The following ANGEL1 variants were observed in gnomAD, a reference collection of about 807,000 sequenced individuals.
ANGEL1 encodes angel homolog 1, also known as RNA 2',3'-cyclic phosphatase ANGEL1.
A neutral mutation model predicts 76.4 loss-of-function variants in ANGEL1; 62 were observed. The ratio of observed to expected loss-of-function variants is 0.81; its 90% CI spans 0.66 to 1.00. The LOEUF is 1.00. Ranked by LOEUF, ANGEL1 falls within the 50% of genes least tolerant of loss-of-function variation. ANGEL1 has a pLI of 0.00. For synonymous variants in ANGEL1, 340 were observed against 331.7 expected, an observed-to-expected ratio of 1.03 and a Z score of -0.27; for missense variants, 737 against 836.7, an observed-to-expected ratio of 0.88 and a Z score of 1.47.
chr14:76,810,265 T>C (rs1370135862), intron 1 of ANGEL1: 1 of 454,524 alleles, frequency 2.2e-6, no homozygotes. Flanking sequence ...CTACAAAAAA[T>C]TAAAAATTAG....
rs1436254924 is a variant in ANGEL1 at position 76,789,364 on chromosome 14, G to T, written c.1877C>A (p.Thr626Asn). The T allele has an allele frequency of 6.2e-7, 1 of 1,614,198 alleles. No individual in the cohort carries two copies. Among genetic ancestry groups the T allele is most frequent in the Non-Finnish European group, 8.5e-7 (1 of 1,180,030 alleles). Residue 626 changes from threonine to asparagine, a missense_variant, in exon 10 of 10, where the codon ACT (threonine) becomes AAT (asparagine). Thr to Asn is a moderately conservative substitution (Grantham distance 65, BLOSUM62 0). Transcript: ENST00000251089. Reference sequence around the variant, plus strand: ...GGAGAGACGACCCAGGAGCTTGAGAGTTCCATCTCGATACAGCCTGTGATC... The same window carrying T: ...GGAGAGACGACCCAGGAGCTTGAGATTTCCATCTCGATACAGCCTGTGATC... ...RTDHRLYRDG[T>N]LKLLGRLSLL... is the part of the protein sequence containing the mutation.
intron 7 of ANGEL1, among the ~76,000 whole-genome samples, chr14:76,800,496 A>G (rs1022438601): frequency 4.6e-5 from 7 of 152,254 alleles, no homozygotes; most frequent in Admixed American, 2.6e-4. Flanking sequence ...TTACAAGAAG[A>G]GAATAAATTC....
intron 7 of ANGEL1, among the ~76,000 whole-genome samples, chr14:76,796,408 A>G (rs1595297732): frequency 6.6e-6 from 1 of 151,844 alleles, no homozygotes; most frequent in African/African-American, 2.4e-5. Flanking sequence ...CCACTACGCC[A>G]GGCTAATTTT....
rs548314194 is a variant in ANGEL1 at position 76,807,735 on chromosome 14, G to C, written c.876+187C>G. ...CCTTCCTGCATAAAGGTGCTGGGAA[G>C]TGCACATCTAGGGAGATTCTTCTCA... On this transcript the variant is annotated intron_variant, in intron 3 of 9. Transcript: ENST00000251089. 2.6e-4 allele frequency among the ~76,000 whole-genome samples: 39 copies of C among 152,324 alleles called. No homozygotes were observed. In the South Asian group the frequency reaches 7.7e-3, roughly 30 times the overall value.
At chr14:76,789,756 G>A (rs564595641) in intron 9 of ANGEL1, among the ~76,000 whole-genome samples, 5 of 146,542 alleles carry the variant, frequency 3.4e-5, no homozygotes, top group East Asian at 4.0e-4. Flanking sequence ...GTGCAGTGGC[G>A]CAATCTCAGC....
At chr14:76,807,028 A>G (rs1894940178) in intron 4 of ANGEL1, among the ~76,000 whole-genome samples, 179 bp from the exon 5 acceptor site, 1 of 152,158 alleles carries the variant, frequency 6.6e-6, no homozygotes, top group Non-Finnish European at 1.5e-5. Context: ...CAGCTGACTG[A>G]GGGGCTGGAA....
chr14:76,809,474 C>T lies in ANGEL1; in HGVS notation c.234G>A (p.Glu78=), dbSNP rs1895020557. 15 of 1,614,232 alleles carry T rather than the reference C, an allele frequency of 9.3e-6. No homozygotes were observed. Among genetic ancestry groups the T allele is most frequent in the Middle Eastern group, 1.6e-4 (1 of 6,062 alleles). The change falls in exon 2 of 10, where the codon GAG becomes GAA. Residue 78 remains glutamate, a synonymous_variant. Transcript: ENST00000251089. ...GLSQVLSTAS[E]GPLIDKGLAQ... ...CTAGTCCTTTATCTATAAGGGGCCC[C>T]TCACTTGCAGTTGAGAGCACCTGGC...
intron 7 of ANGEL1, among the ~76,000 whole-genome samples, chr14:76,794,498 C>T (rs1025391126): frequency 4.0e-5 from 6 of 151,770 alleles, no homozygotes; most frequent in Non-Finnish European, 7.4e-5. Context: ...AGTGAAACCC[C>T]GTCTCTACTA....
chr14:76,791,441 A>C (rs566461818), intron 7 of ANGEL1, 75 bp from the exon 8 acceptor site: 4 of 1,375,276 alleles, frequency 2.9e-6, no homozygotes, highest in East Asian at 2.4e-5. Context: ...TCACCCTAAA[A>C]TCCCTCTCAG....
At chr14:76,808,796 T>C (rs1267064000) in intron 2 of ANGEL1, among the ~76,000 whole-genome samples, 2 of 152,174 alleles carry the variant, frequency 1.3e-5, no homozygotes, top group Non-Finnish European at 2.9e-5. Context: ...AACTAGAGTA[T>C]GCTTTCAGTT....
intron 5 of ANGEL1, among the ~76,000 whole-genome samples, chr14:76,805,078 A>G (rs8003145): frequency 0.41 from 62,109 of 151,966 alleles, 13,096 homozygotes; most frequent in Middle Eastern, 0.49. Context: ...TACCATGTAC[A>G]ATTAAGAATC....
In ANGEL1 at chr14:76,803,457, A is replaced by G. The variant is rs1272682644; in HGVS notation, c.1532T>C (p.Phe511Ser). 6.2e-7 allele frequency: 1 copy of G among 1,614,228 alleles called. No homozygotes were observed. Among genetic ancestry groups the G allele is most frequent in the Admixed American group, 1.7e-5 (1 of 60,030 alleles). ...RSERRKYGRD[F>S]LLRFRFCSIA... ...GCTGCAGAAGCGGAAACGTAGCAGG[A>G]AGTCTCGGCCATACTTGCGTCTCTC... Residue 511 changes from phenylalanine to serine, a missense_variant, in exon 7 of 10, where the codon TTC becomes TCC. Phe to Ser is a radical substitution (Grantham distance 155). Around this residue, in one of 2 missense-constraint regions of ANGEL1, gnomAD observed 296 missense variants for 387.2 expected, o/e 0.76. Coordinates refer to ENST00000251089, the MANE Select transcript of ANGEL1 (RefSeq NM_015305.4).
At chr14:76,792,595 TATA>T (rs1272015336) in intron 7 of ANGEL1, among the ~76,000 whole-genome samples, 1 of 152,182 alleles carries the variant, frequency 6.6e-6, no homozygotes, top group Non-Finnish European at 1.5e-5. Context: ...TGAAAAATCA[TATA>T]ATGTGATATG....
chr14:76,808,210 T>C (rs1341121874), intron 2 of ANGEL1, 62 bp from the exon 3 acceptor site: 1 of 1,400,808 alleles, frequency 7.1e-7, no homozygotes, highest in Admixed American at 1.9e-5. Context: ...TGCTGCCATC[T>C]CCACTCCTGA....
intron 1 of ANGEL1, among the ~76,000 whole-genome samples, chr14:76,811,627 C>T (rs1160064545): frequency 6.6e-6 from 1 of 151,230 alleles, no homozygotes; most frequent in Non-Finnish European, 1.5e-5. Context: ...CCAGGAAAAA[C>T]AGCAACATAG....
At chr14:76,801,606 C>G (rs533366197) in intron 7 of ANGEL1, among the ~76,000 whole-genome samples, 1 of 152,242 alleles carries the variant, frequency 6.6e-6, no homozygotes, top group Admixed American at 6.5e-5. Context: ...CATTTTCTCT[C>G]TAATCCTTTC....
At chr14:76,789,694 ATTTT>A (rs1319022832) in intron 9 of ANGEL1, among the ~76,000 whole-genome samples, 2 of 135,726 alleles carry the variant, frequency 1.5e-5, no homozygotes, top group African/African-American at 5.4e-5. Context: ...ATAAAATCTG[ATTTT>A]TTTTTTTTTT....
chr14:76,799,238 C>G (rs2140218475), intron 7 of ANGEL1, among the ~76,000 whole-genome samples: 1 of 141,850 alleles, frequency 7.0e-6, no homozygotes, highest in Middle Eastern at 3.8e-3. Context: ...GAAAAATGAA[C>G]TCACACACTA....
Position 76,807,948 on chromosome 14 carries a change from G to C in ANGEL1, c.850C>G (p.Gln284Glu), listed in dbSNP as rs754661224. 1.5e-5 allele frequency: 25 copies of C among 1,613,954 alleles called. No homozygotes were observed. In the East Asian group the frequency reaches 1.6e-4, roughly 10 times the overall value. ...NWNYRFVNLM[Q>E]EFQHWDPDIL... ...TCAGGGTCCCAGTGCTGGAATTCCT[G>C]CATGAGGTTCACGAAGCGATAGTTC... The change falls in exon 3 of 10, where the codon CAG becomes GAG. Residue 284 changes from glutamine to glutamate, a missense_variant. Physicochemically the swap from Gln to Glu is conservative, Grantham distance 29 (BLOSUM62 2). This residue lies in a region of ANGEL1 where 441 missense variants were observed against 449.5 expected (regional missense o/e 0.98). Transcript: ENST00000251089.
Sources: allele counts gnomAD v4.1 joint callset (sites outside exome capture counted in the v4.1 genomes callset), GRCh38; gene constraint gnomAD v4.1.1; regional missense constraint gnomAD v4.1.1; transcripts MANE v1.5; gene names NCBI Gene and HGNC (gene_info 2026-07-23, HGNC 2026-07-21).